Variants in H2BC5 observed in about 807,000 individuals in gnomAD.
The protein encoded by H2BC5 is histone H2B type 1-D.
In H2BC5, 9 loss-of-function variants were observed where a neutral mutation model predicts 5.7. That is an observed-to-expected ratio of 1.57 (90% CI 0.95 to 2.74). H2BC5 has a LOEUF of 2.74. Among genes scored for constraint, H2BC5 ranks in the 30% most tolerant of loss-of-function variants. The pLI is 0.00. For missense variants in H2BC5, 175 were observed against 168.8 expected, an observed-to-expected ratio of 1.04 and a Z score of -0.20; for synonymous variants, 133 against 70.9, an observed-to-expected ratio of 1.88 and a Z score of -4.40.
chr6:26,168,999 C>T (rs1311903273), intron 1 of H2BC5, among the ~76,000 whole-genome samples: 1 of 151,362 alleles, frequency 6.6e-6, no homozygotes, highest in East Asian at 1.9e-4. Context: ...AATTTTAAAT[C>T]TTAGAAAATA....
chr6:26,163,179 T>A (rs1764375103), downstream of H2BC5: 1 of 151,962 alleles, frequency 6.6e-6, no homozygotes, highest in South Asian at 2.1e-4. Flanking sequence ...AGTGGCACAA[T>A]CTCGGCTCAC....
At chr6:26,161,455 A>T (rs147566030), downstream of H2BC5, among the ~76,000 whole-genome samples, 17 of 152,288 alleles carry the variant, frequency 1.1e-4, no homozygotes, top group East Asian at 3.3e-3. Flanking sequence ...CAGAGATAAA[A>T]ATGCAAAAGT....
At chr6:26,167,086 G>T (rs2113837672) in intron 1 of H2BC5, among the ~76,000 whole-genome samples, 1 of 111,212 alleles carries the variant, frequency 9.0e-6, no homozygotes, top group African/African-American at 3.5e-5. Context: ...AATGATAGGA[G>T]TTAATGTTGC....
downstream of H2BC5, among the ~76,000 whole-genome samples, chr6:26,159,589 C>T (rs912771272): frequency 1.3e-5 from 2 of 151,676 alleles, no homozygotes; most frequent in African/African-American, 4.8e-5. Context: ...GAGGGAGTGG[C>T]CAGAAGGAAA....
At chr6:26,169,461 A>G (rs1764484614) in intron 1 of H2BC5, among the ~76,000 whole-genome samples, 1 of 152,234 alleles carries the variant, frequency 6.6e-6, no homozygotes, top group Non-Finnish European at 1.5e-5. Flanking sequence ...AGGAACTACC[A>G]AATTAATTGC....
intron 1 of H2BC5, chr6:26,164,227 C>T: frequency 2.7e-6 from 1 of 372,014 alleles, no homozygotes. Flanking sequence ...AGTCTCCCAG[C>T]AGACCTGCCA....
In H2BC5 at chr6:26,158,214, C is replaced by T. The variant is rs1581431627; in HGVS notation, c.45C>T (p.Ser15=). 5 of 1,614,094 alleles carry T rather than the reference C, an allele frequency of 3.1e-6. No homozygotes were observed. Among genetic ancestry groups the T allele is most frequent in the African/African-American group, 2.7e-5 (2 of 74,936 alleles). Residue 15 remains serine, a synonymous_variant, in exon 1 of 1, where the codon TCC becomes TCT. Transcript: ENST00000377777. ...TKSAPAPKKG[S]KKAVTKAQKK... ...CTGCTCCTGCCCCAAAGAAGGGCTC[C>T]AAGAAGGCGGTGACTAAGGCTCAGA...
At chr6:26,158,676 C>T, downstream of H2BC5, 1 of 1,388,274 alleles carries the variant, frequency 7.2e-7, no homozygotes, top group Non-Finnish European at 9.8e-7. Flanking sequence ...ACCACAGTAC[C>T]AATCTTTAAT....
downstream of H2BC5, among the ~76,000 whole-genome samples, chr6:26,158,827 A>T (rs1168152364): frequency 6.6e-6 from 1 of 152,210 alleles, no homozygotes; most frequent in East Asian, 1.9e-4. Flanking sequence ...AAAGTATTGT[A>T]AATGTACAGC....
In H2BC5 at chr6:26,158,146, A is replaced by C; in HGVS notation, c.-24A>C. 1 of 1,600,438 alleles carries C rather than the reference A, an allele frequency of 6.2e-7. No individual in the cohort carries two copies. Among genetic ancestry groups the C allele is most frequent in the South Asian group, 1.1e-5 (1 of 89,378 alleles). ...GATTATTTTCTCAGGTGTTTGCAAC[A>C]GTGTTCTAACTATTAACGCTACGAT... On this transcript the variant is annotated 5_prime_UTR_variant, in exon 1 of 1. Coordinates refer to ENST00000377777, the MANE Select transcript of H2BC5 (RefSeq NM_021063.4).
intron 1 of H2BC5, among the ~76,000 whole-genome samples, chr6:26,167,049 C>CTTTTTTTTTTTTTTTTTTTTTTTT (rs149341201): frequency 7.2e-5 from 7 of 97,026 alleles, no homozygotes; most frequent in African/African-American, 1.2e-4. Context: ...TTTGTTTTCT[C>CTTTTTTTTTTTTTTTTTTTTTTTT]TTTTTTTTTT....
At chr6:26,164,768 C>A (rs764749436) in intron 1 of H2BC5, among the ~76,000 whole-genome samples, 1 of 152,012 alleles carries the variant, frequency 6.6e-6, no homozygotes, top group Non-Finnish European at 1.5e-5. Flanking sequence ...CCCCATTGCC[C>A]AGCACCATCC....
At chr6:26,160,592 G>A (rs117223856), downstream of H2BC5, among the ~76,000 whole-genome samples, 428 of 151,858 alleles carry the variant, frequency 2.8e-3, 3 homozygotes, top group East Asian at 0.016. Flanking sequence ...CTTGAGGCCA[G>A]GCACGGTGGT....
At chr6:26,162,530 T>C (rs1764368439), downstream of H2BC5, among the ~76,000 whole-genome samples, 1 of 152,064 alleles carries the variant, frequency 6.6e-6, no homozygotes, top group African/African-American at 2.4e-5. Context: ...TAATGTAGTT[T>C]TTGGTTTTTG....
chr6:26,158,135 G>C lies in H2BC5; in HGVS notation c.-35G>C. Reference sequence around the variant, plus strand: ...TCGGCGGGAGTGATTATTTTCTCAGGTGTTTGCAACAGTGTTCTAACTATT... The same window carrying C: ...TCGGCGGGAGTGATTATTTTCTCAGCTGTTTGCAACAGTGTTCTAACTATT... On this transcript the variant is annotated 5_prime_UTR_variant, in exon 1 of 1. Transcript: ENST00000377777. 1 of 1,586,244 alleles carries C rather than the reference G, an allele frequency of 6.3e-7. No individual in the cohort carries two copies. Among genetic ancestry groups the C allele is most frequent in the Non-Finnish European group, 8.6e-7 (1 of 1,167,424 alleles).
chr6:26,158,447 G>C lies in H2BC5; in HGVS notation c.278G>C (p.Arg93Thr). ...HYNKRSTITS[R>T]EIQTAVRLLL... ...AACAAGCGCTCGACCATCACCTCCA[G>C]GGAGATCCAGACGGCCGTGCGCCTG... is the stretch of plus-strand genomic sequence containing the variant. Residue 93 changes from arginine to threonine, a missense_variant, in exon 1 of 1, where the codon AGG becomes ACG. By Grantham distance (71) the Arg-to-Thr change is moderately conservative. Coordinates refer to ENST00000377777, the MANE Select transcript of H2BC5 (RefSeq NM_021063.4). The C allele has an allele frequency of 6.2e-7, 1 of 1,614,260 alleles. No homozygotes were observed. Among genetic ancestry groups the C allele is most frequent in the Non-Finnish European group, 8.5e-7 (1 of 1,180,052 alleles).
intron 1 of H2BC5, among the ~76,000 whole-genome samples, chr6:26,165,795 T>C (rs914041178): frequency 6.6e-6 from 1 of 152,116 alleles, no homozygotes; most frequent in Non-Finnish European, 1.5e-5. Context: ...CACCCTCCAA[T>C]TGACCCCACC....
At chr6:26,164,613 T>TATAA (rs1350421576) in intron 1 of H2BC5, among the ~76,000 whole-genome samples, 2 of 151,110 alleles carry the variant, frequency 1.3e-5, no homozygotes, top group East Asian at 3.9e-4. Context: ...TATATATATA[T>TATAA]AATTTTAAAT....
chr6:26,170,976 G>T (rs1210008634), exon 2 of H2BC5: 1 of 152,074 alleles, frequency 6.6e-6, no homozygotes, highest in African/African-American at 2.4e-5. Flanking sequence ...TTCAATCAGG[G>T]GAGAGACATG....
Sources: gnomAD v4.1 joint callset for allele counts (sites outside exome capture counted in the v4.1 genomes callset) on GRCh38, gnomAD v4.1.1 for gene constraint, MANE v1.5 for transcripts, NCBI Gene and HGNC (gene_info 2026-07-23, HGNC 2026-07-21) for gene names.